Variants in BRAF observed in about 807,000 individuals in gnomAD.
The protein encoded by BRAF is B-Raf proto-oncogene, serine/threonine kinase.
BRAF carries 16 observed loss-of-function variants against 104.6 expected under a neutral mutation model. The observed-to-expected ratio is 0.15, with a 90% CI of 0.10 to 0.23. BRAF has a LOEUF of 0.23. Ranked by LOEUF, BRAF falls within the 10% of genes least tolerant of loss-of-function variation. The probability of loss-of-function intolerance (pLI) is 1.00; values close to 1 mark genes in which losing one functional copy is unlikely to be tolerated. For synonymous variants in BRAF, 310 were observed against 341.6 expected (o/e 0.91, Z 1.02); for missense variants, 541 against 937.3 (o/e 0.58, Z 5.52).
chr7:140,834,382 A>G, intron 3 of BRAF: 2 of 654,478 alleles, frequency 3.1e-6, no homozygotes, highest in Non-Finnish European at 5.1e-6. Context: ...CAAGTTTGGC[A>G]GACAGGTTTA....
chr7:140,817,948 C>T (rs1173438061), intron 3 of BRAF, among the ~76,000 whole-genome samples: 1 of 152,002 alleles, frequency 6.6e-6, no homozygotes, highest in African/African-American at 2.4e-5. Context: ...CATATAAATA[C>T]ATACACCTTG....
intron 1 of BRAF, among the ~76,000 whole-genome samples, chr7:140,882,371 C>CTTTT (rs1232247923): frequency 2.6e-4 from 33 of 126,630 alleles, no homozygotes; most frequent in African/African-American, 7.2e-4. Flanking sequence ...ATCAAAGTAT[C>CTTTT]TTTTTTTTTT....
At chr7:140,906,077 G>C (rs1816277353) in intron 1 of BRAF, among the ~76,000 whole-genome samples, 1 of 73,674 alleles carries the variant, frequency 1.4e-5, no homozygotes, top group Admixed American at 1.7e-4. Flanking sequence ...AACAGAGCGA[G>C]ACTCCGTCTC....
At chr7:140,896,316 AT>A (rs1814891655) in intron 1 of BRAF, among the ~76,000 whole-genome samples, 1 of 152,160 alleles carries the variant, frequency 6.6e-6, no homozygotes, top group South Asian at 2.1e-4. Context: ...CAGTAAAAAA[AT>A]ATATTTTTTT....
intron 1 of BRAF, among the ~76,000 whole-genome samples, chr7:140,890,874 A>G (rs1471532835): frequency 6.6e-6 from 1 of 152,248 alleles, no homozygotes; most frequent in Non-Finnish European, 1.5e-5. Flanking sequence ...ATTTTCCACA[A>G]TTGCACAAGA....
chr7:140,745,591 C>A (rs1198174188), intron 17 of BRAF, among the ~76,000 whole-genome samples: 2 of 152,144 alleles, frequency 1.3e-5, no homozygotes, highest in African/African-American at 4.8e-5. Flanking sequence ...ACTTTCAATA[C>A]ACACTCAGTA....
At chr7:140,847,391 T>C (rs2129071693) in intron 2 of BRAF, among the ~76,000 whole-genome samples, 1 of 152,242 alleles carries the variant, frequency 6.6e-6, no homozygotes, top group Admixed American at 6.5e-5. Flanking sequence ...GAGACCAGAC[T>C]GGCCAACATG....
chr7:140,761,622 G>C (rs1252248386), intron 14 of BRAF, among the ~76,000 whole-genome samples: 1 of 152,148 alleles, frequency 6.6e-6, no homozygotes, highest in Non-Finnish European at 1.5e-5. Context: ...AGACCCATCA[G>C]TGTGCTGCAT....
intron 3 of BRAF, among the ~76,000 whole-genome samples, chr7:140,816,476 C>T (rs763033459): frequency 2.6e-5 from 4 of 152,280 alleles, no homozygotes; most frequent in Non-Finnish European, 5.9e-5. Flanking sequence ...TAAGAACATA[C>T]CTTTTCCTTA....
At chr7:140,895,200 A>G (rs557222840) in intron 1 of BRAF, among the ~76,000 whole-genome samples, 40 of 152,338 alleles carry the variant, frequency 2.6e-4, no homozygotes, top group African/African-American at 8.7e-4. Context: ...TACTTACCTA[A>G]ATAGATCAAT....
At chr7:140,828,184 T>C (rs1806286975) in intron 3 of BRAF, among the ~76,000 whole-genome samples, 1 of 152,308 alleles carries the variant, frequency 6.6e-6, no homozygotes, top group African/African-American at 2.4e-5. Flanking sequence ...TGAGCTACCG[T>C]ACCTGGCCAA....
intron 1 of BRAF, among the ~76,000 whole-genome samples, chr7:140,907,034 G>C (rs141557950): frequency 6.6e-6 from 1 of 152,012 alleles, no homozygotes; most frequent in African/African-American, 2.4e-5. Flanking sequence ...TCTCTTTCCA[G>C]AGCTCTGATT....
intron 17 of BRAF, 78 bp downstream of exon 16, chr7:140,749,209 G>A (rs2128994026): frequency 1.9e-6 from 3 of 1,580,682 alleles, no homozygotes; most frequent in East Asian, 2.3e-5. Flanking sequence ...GCTTACCCAG[G>A]AGTTAACACT....
intron 1 of BRAF, among the ~76,000 whole-genome samples, chr7:140,921,040 T>C (rs1818165385): frequency 6.6e-6 from 1 of 152,158 alleles, no homozygotes; most frequent in African/African-American, 2.4e-5. Context: ...CCCTAGTCAA[T>C]ACATTATTAT....
At position 140,778,018 on chromosome 7, in the gene BRAF, G is replaced by C. The variant is rs1370423184; in HGVS notation, c.1610C>G (p.Ala537Gly). 6.2e-7 allele frequency: 1 copy of C among 1,613,268 alleles called. No homozygotes were observed. The highest frequency in any genetic ancestry group is 8.5e-7 in the Non-Finnish European group (1 of 1,179,754). Residue 537 changes from alanine to glycine, a missense_variant, in exon 13 of 20, where the codon GCC (alanine) becomes GGC (glycine). Around this residue, in one of 10 missense-constraint regions of BRAF, gnomAD observed 7 missense variants for 47.2 expected, o/e 0.15. Coordinates refer to ENST00000644969, the MANE Select transcript of BRAF (RefSeq NM_001374258.1). Reference protein sequence around the residue: ...VTAPTPQQLQAFKNEVGVLRK... With the variant: ...VTAPTPQQLQGFKNEVGVLRK... ...GAGTACTCCTACTTCATTTTTGAAG[G>C]CTTGTAACTGCTGAGGTGTAGGTGC...
rs1386139571 is a variant in BRAF, at chr7:140,719,559, A to C, written c.*6935T>G. 9.5e-7 allele frequency: 1 copy of C among 1,051,676 alleles called. No individual in the cohort carries two copies. The highest frequency in any genetic ancestry group is 1.2e-6 in the Non-Finnish European group (1 of 868,562). 65.1% of individuals were successfully genotyped at this position (1,051,676 alleles called of 1,614,324 possible). ...ACATGAGAAAAACTCCAAAGTACAA[A>C]TGAAGGGACCTGAGCAGGAAAGAGA... On this transcript the variant is annotated 3_prime_UTR_variant, in exon 20 of 20. Transcript: ENST00000644969.
At chr7:140,872,468 TAAG>T (rs1203162687) in intron 1 of BRAF, among the ~76,000 whole-genome samples, 5 of 152,172 alleles carry the variant, frequency 3.3e-5, no homozygotes, top group South Asian at 2.1e-4. Context: ...AGAATTAAAA[TAAG>T]AAGAAGAAAT....
intron 1 of BRAF, among the ~76,000 whole-genome samples, chr7:140,862,834 A>C (rs1810563112): frequency 6.6e-6 from 1 of 152,142 alleles, no homozygotes. Flanking sequence ...TATATTAAAA[A>C]CCACTAAATT....
At position 140,878,896 on chromosome 7, in the gene BRAF, C is replaced by T. The variant is rs535418780; in HGVS notation, c.139-28684G>A. ...GTATCCATTTTTTTTTCCTTTGAGA[C>T]GGAGTCTTGCTCTGTCACCCAGGCT... On this transcript the variant is annotated intron_variant, in intron 1 of 19. Transcript: ENST00000644969. Among the ~76,000 whole-genome samples, 98 of 151,982 alleles carry T rather than the reference C, an allele frequency of 6.4e-4. 1 individual carries two copies. Among genetic ancestry groups the T allele is most frequent in the Middle Eastern group, 6.8e-3 (2 of 294 alleles).
Sources: gnomAD v4.1 joint callset for allele counts (sites outside exome capture counted in the v4.1 genomes callset) on GRCh38, gnomAD v4.1.1 for gene constraint, gnomAD v4.1.1 regional missense constraint, MANE v1.5 for transcripts, NCBI Gene and HGNC (gene_info 2026-07-23, HGNC 2026-07-21) for gene names.